The following SLC6A4 variants were observed in gnomAD, a reference collection of about 807,000 sequenced individuals.
The protein encoded by SLC6A4 is solute carrier family 6 member 4.
In SLC6A4, 22 loss-of-function variants were observed where a neutral mutation model predicts 73.4. That is an observed-to-expected ratio of 0.30 (90% confidence interval 0.21 to 0.43). The LOEUF is 0.43. Ranked by LOEUF, SLC6A4 falls within the 20% of genes least tolerant of loss-of-function variation. The probability of loss-of-function intolerance (pLI) is 1.00; values close to 1 mark genes in which losing one functional copy is unlikely to be tolerated. For missense variants in SLC6A4, 593 were observed against 808.5 expected (o/e 0.73, Z 3.23); for synonymous variants, 270 against 315.5 (o/e 0.86, Z 1.53).
At chr17:30,217,129 T>C in intron 6 of SLC6A4, 37 bp downstream of exon 6, 3 of 1,598,116 alleles carry the variant, frequency 1.9e-6, no homozygotes, top group Non-Finnish European at 2.6e-6. Context: ...TGTGGGCCCC[T>C]GGGCAGGCCT....
chr17:30,210,403 CT>C, intron 11 of SLC6A4, 111 bp downstream of exon 11: 1 of 1,213,830 alleles, frequency 8.2e-7, no homozygotes, highest in Non-Finnish European at 1.1e-6. Flanking sequence ...ACCTCCCCTC[CT>C]TTGGTCCCAA....
At chr17:30,220,114 CT>C (rs1906700623) in intron 3 of SLC6A4, among the ~76,000 whole-genome samples, 1 of 152,264 alleles carries the variant, frequency 6.6e-6, no homozygotes, top group South Asian at 2.1e-4. Context: ...CAGGGGCCCC[CT>C]GGAACTACCT....
intron 14 of SLC6A4, among the ~76,000 whole-genome samples, chr17:30,199,304 G>T (rs1292770962): frequency 6.6e-6 from 1 of 151,238 alleles, no homozygotes; most frequent in Admixed American, 6.6e-5. Flanking sequence ...AGCAGCTCAG[G>T]GATATAGAGG....
chr17:30,227,812 T>A (rs1409170109), intron 1 of SLC6A4, among the ~76,000 whole-genome samples: 4 of 152,180 alleles, frequency 2.6e-5, no homozygotes, highest in Non-Finnish European at 5.9e-5. Context: ...GGAGAGGAAT[T>A]AAATAGGATA....
At chr17:30,230,312 A>G (rs973367402) in intron 1 of SLC6A4, among the ~76,000 whole-genome samples, 40 of 152,356 alleles carry the variant, frequency 2.6e-4, no homozygotes, top group Non-Finnish European at 3.4e-4. Flanking sequence ...AACTCAAAAC[A>G]GATGATGTGT....
intron 8 of SLC6A4, 86 bp downstream of exon 8, chr17:30,215,525 G>T (rs2143014814): frequency 1.8e-6 from 2 of 1,101,642 alleles, no homozygotes; most frequent in Non-Finnish European, 2.8e-6. Context: ...CAGATTCGAG[G>T]CCGTCGGTCC....
chr17:30,235,530 G>T lies in SLC6A4; in HGVS notation c.-221+83C>A, dbSNP rs1218449441. 6.6e-6 allele frequency: 1 copy of T among 152,226 alleles called. No homozygotes were observed. Among genetic ancestry groups the T allele is most frequent in the Non-Finnish European group, 1.5e-5 (1 of 68,050 alleles). 9.4% of individuals were successfully genotyped at this position (152,226 alleles called of 1,614,324 possible). A position where few individuals can be genotyped will look rare whatever the true frequency, so the allele number is the denominator to read the frequency against. Reference sequence around the variant, plus strand: ...CCTCCTCGCAGGGCGGTGGGGCGCAGCGGTTCTATCCCCCTCCCCGAGGCG... The same window carrying T: ...CCTCCTCGCAGGGCGGTGGGGCGCATCGGTTCTATCCCCCTCCCCGAGGCG... On this transcript the variant is annotated intron_variant, in intron 1 of 14. Transcript: ENST00000650711. The surrounding 1 kb of genome is among the most constrained non-coding windows in gnomAD (Gnocchi z 4.5).
chr17:30,229,386 C>T (rs758588590), intron 1 of SLC6A4, among the ~76,000 whole-genome samples: 1 of 152,104 alleles, frequency 6.6e-6, no homozygotes, highest in African/African-American at 2.4e-5. Flanking sequence ...AAGTGCTACA[C>T]GACGGCTTAG....
chr17:30,210,632 C>T lies in SLC6A4; in HGVS notation c.1332G>A (p.Glu444=), dbSNP rs1906357669. 1 of 1,612,454 alleles carries T rather than the reference C, an allele frequency of 6.2e-7. No individual in the cohort carries two copies. Among genetic ancestry groups the T allele is most frequent in the African/African-American group, 1.3e-5 (1 of 74,890 alleles). Residue 444 remains glutamate, a synonymous_variant, in exon 11 of 15, where the codon GAG becomes GAA. Transcript: ENST00000650711. ...LGLDSTFAGL[E]GVITAVLDEF... ...CATCCAGCACAGCCGTGATCACCCC[C>T]TCCAAGCCTGCAAACTGAGAGGTAC...
At chr17:30,206,214 T>A (rs1464764629) in intron 13 of SLC6A4, 1 of 133,144 alleles carries the variant, frequency 7.5e-6, no homozygotes, top group Admixed American at 8.0e-5. Context: ...GAAGGAAGAA[T>A]CTAACAACAT....
chr17:30,198,656 T>G, intron 14 of SLC6A4, 126 bp from the exon 15 acceptor site: 1 of 569,878 alleles, frequency 1.8e-6, no homozygotes, highest in South Asian at 2.4e-5. Flanking sequence ...CGAGTTGGAA[T>G]AGTCTCACTG....
In SLC6A4 at chr17:30,212,885, A is replaced by G; in HGVS notation, c.1077-18T>C. The G allele has an allele frequency of 1.2e-6, 2 of 1,613,684 alleles. No individual in the cohort carries two copies. Among genetic ancestry groups the G allele is most frequent in the Non-Finnish European group, 1.7e-6 (2 of 1,179,800 alleles). On this transcript the variant is annotated intron_variant, in intron 8 of 14. Transcript: ENST00000650711. ...GGGCATCTCTGGAGGGGAAAACCCA[A>G]GGGGCCGCCTGAGACAGTTCCAAGA...
chr17:30,209,963 C>T (rs761639172), intron 11 of SLC6A4, among the ~76,000 whole-genome samples: 1 of 152,124 alleles, frequency 6.6e-6, no homozygotes, highest in Non-Finnish European at 1.5e-5. Flanking sequence ...TGTCCTAAAT[C>T]ATGACTCACT....
At chr17:30,224,312 G>A (rs1008778321) in intron 1 of SLC6A4, among the ~76,000 whole-genome samples, 5 of 151,134 alleles carry the variant, frequency 3.3e-5, no homozygotes, top group Non-Finnish European at 7.4e-5. Context: ...TCTGCCTCCC[G>A]GGTTCAAGCG....
intron 11 of SLC6A4, 94 bp downstream of exon 11, chr17:30,210,421 G>A: frequency 4.4e-6 from 6 of 1,365,020 alleles, no homozygotes; most frequent in Admixed American, 2.3e-5. Context: ...CCAAAGCCAG[G>A]GCACTGTGTG....
Position 30,226,883 on chromosome 17 carries a change from G to GAGAA in SLC6A4, c.-220-3969_-220-3968insTTCT, listed in dbSNP as rs1467123866. Reference sequence around the variant, plus strand: ...GTGAGACTCTGTCTCAAAAAAAAAAGAAAAAGAAAGAAAAAAGAAACAAGG... The same window carrying GAGAA: ...GTGAGACTCTGTCTCAAAAAAAAAAGAGAAAAAAAGAAAGAAAAAAGAAACAAGG... On this transcript the variant is annotated intron_variant, in intron 1 of 14. Coordinates refer to ENST00000650711, the MANE Select transcript of SLC6A4 (RefSeq NM_001045.6). 4.2e-3 allele frequency among the ~76,000 whole-genome samples: 232 copies of GAGAA among 54,868 alleles called. 2 individuals are homozygous for GAGAA. The highest frequency in any genetic ancestry group is 0.024 in the African/African-American group (223 of 9,398). 36.0% of individuals were successfully genotyped at this position (54,868 alleles called of 152,430 possible).
At chr17:30,202,578 G>T (rs927501646) in intron 14 of SLC6A4, among the ~76,000 whole-genome samples, 1 of 152,142 alleles carries the variant, frequency 6.6e-6, no homozygotes, top group Admixed American at 6.5e-5. Flanking sequence ...AAATTGTAAG[G>T]TACTGTTATT....
At chr17:30,222,173 T>C in intron 2 of SLC6A4, 92 bp from the exon 3 acceptor site, 1 of 756,618 alleles carries the variant, frequency 1.3e-6, no homozygotes, top group Non-Finnish European at 2.1e-6. Context: ...ACTACATTAG[T>C]TAACGGGATT....
intron 6 of SLC6A4, 35 bp from the exon 7 acceptor site, chr17:30,216,251 AGGG>A: frequency 2.1e-6 from 1 of 485,566 alleles, no homozygotes; most frequent in African/African-American, 3.4e-5. Context: ...ATGCTGTTCC[AGGG>A]AGGGGAGGGG....
Sources: allele counts gnomAD v4.1 joint callset (sites outside exome capture counted in the v4.1 genomes callset), GRCh38; gene constraint gnomAD v4.1.1; non-coding constraint Gnocchi (gnomAD v3.1); transcripts MANE v1.5; gene names NCBI Gene and HGNC (gene_info 2026-07-23, HGNC 2026-07-21).